MTMR7: variants seen among roughly 807,000 people sequenced by gnomAD.
The protein encoded by MTMR7 is phosphatidylinositol-3-phosphate phosphatase MTMR7.
MTMR7 carries 76 observed loss-of-function variants against 81.2 expected under a neutral mutation model. The ratio of observed to expected loss-of-function variants is 0.94; its 90% CI spans 0.78 to 1.13. The LOEUF (loss-of-function observed/expected upper bound fraction) is 1.13, where lower values mean the gene tolerates loss of function less well. Among genes scored for constraint, MTMR7 ranks in the 50% most tolerant of loss-of-function variants. The pLI is 0.00. For missense variants in MTMR7, 1,044 were observed against 820.0 expected (o/e 1.27, Z -3.34); for synonymous variants, 372 against 289.8 (o/e 1.28, Z -2.88).
intron 7 of MTMR7, among the ~76,000 whole-genome samples, chr8:17,319,530 C>T (rs191770037): frequency 6.4e-4 from 98 of 152,336 alleles, no homozygotes; most frequent in African/African-American, 1.9e-3. Flanking sequence ...GCCACCACAT[C>T]ATGGCTACCT....
Position 17,305,767 on chromosome 8 carries a change from G to A in MTMR7, c.1342C>T (p.Arg448Ter), listed in dbSNP as rs371072993. 23 of 1,610,010 alleles carry A rather than the reference G, an allele frequency of 1.4e-5. No homozygotes were observed. The highest frequency in any genetic ancestry group is 2.0e-5 in the Non-Finnish European group (23 of 1,176,672). ...CACCAAAACACTTACTTGAGTTCTC[G>A]TCTCTCCTTTTGGCTGTTACATAGG... The part of the protein sequence containing the change: ...NFLCNSQKER[R>*]ELKIQERTYS... The change falls in exon 11 of 14, where the codon CGA becomes TGA. Residue 448 changes from arginine to a stop codon, truncating the protein, a stop_gained. Transcript: ENST00000180173. LOFTEE classifies it high-confidence loss of function.
intron 1 of MTMR7, among the ~76,000 whole-genome samples, chr8:17,374,566 C>T (rs982450262): frequency 5.3e-5 from 8 of 151,640 alleles, no homozygotes; most frequent in Non-Finnish European, 1.0e-4. Context: ...GGTTGCAGTG[C>T]GCTGAGATTG....
chr8:17,347,878 A>G (rs1819606970), intron 5 of MTMR7, among the ~76,000 whole-genome samples: 1 of 152,200 alleles, frequency 6.6e-6, no homozygotes, highest in Non-Finnish European at 1.5e-5. Context: ...AAAGCTGGGC[A>G]CACAACATTA....
intron 9 of MTMR7, among the ~76,000 whole-genome samples, chr8:17,309,703 T>C (rs1212070846): frequency 1.3e-5 from 2 of 152,148 alleles, no homozygotes; most frequent in Non-Finnish European, 1.5e-5. Flanking sequence ...ATCATGCTAC[T>C]AGGAAGGAGA....
At chr8:17,380,819 T>C (rs1245752864) in intron 1 of MTMR7, among the ~76,000 whole-genome samples, 1 of 152,338 alleles carries the variant, frequency 6.6e-6, no homozygotes, top group Non-Finnish European at 1.5e-5. Context: ...AGAAATCTTA[T>C]ACATGAAATT....
chr8:17,297,436 G>A lies in MTMR7; in HGVS notation c.*2426C>T, dbSNP rs955879648. The A allele has an allele frequency of 1.3e-5, 2 of 151,622 alleles. No individual in the cohort carries two copies. The highest frequency in any genetic ancestry group is 1.5e-5 in the Non-Finnish European group (1 of 67,720). 9.4% of individuals were successfully genotyped at this position (151,622 alleles called of 1,614,324 possible). A position where few individuals can be genotyped will look rare whatever the true frequency, so the allele number is the denominator to read the frequency against. On this transcript the variant is annotated 3_prime_UTR_variant, in exon 14 of 14. Coordinates refer to ENST00000180173, the MANE Select transcript of MTMR7 (RefSeq NM_004686.5). ...TCAGATTCATTTTTAGGAGAAGAAA[G>A]TAAACTAATGTGCTCTTAAAGAATA...
chr8:17,398,239 T>C (rs1236994015), intron 1 of MTMR7, among the ~76,000 whole-genome samples: 1 of 152,162 alleles, frequency 6.6e-6, no homozygotes, highest in Non-Finnish European at 1.5e-5. Flanking sequence ...CAGAGGTATG[T>C]GACCCTTCAG....
rs1817589159 is a variant in MTMR7, at chr8:17,308,206, T to A, written c.1151+1071A>T. On this transcript the variant is annotated intron_variant, in intron 10 of 13. Coordinates refer to ENST00000180173, the MANE Select transcript of MTMR7 (RefSeq NM_004686.5). ...AAAAAGGTTGCCTAATATTAACGTA[T>A]TTTTTCCTTATCAAACAATTATCTA... is the stretch of plus-strand genomic sequence containing the variant. Among the ~76,000 whole-genome samples the A allele has an allele frequency of 2.0e-5, 3 of 152,132 alleles. No homozygotes were observed. In the South Asian group the frequency reaches 6.2e-4, roughly 32 times the overall value.
intron 1 of MTMR7, among the ~76,000 whole-genome samples, chr8:17,375,063 T>C (rs1392114258): frequency 6.6e-6 from 1 of 152,120 alleles, no homozygotes; most frequent in African/African-American, 2.4e-5. Context: ...CACCCCAGTC[T>C]GGGCAACAAG....
intron 7 of MTMR7, among the ~76,000 whole-genome samples, chr8:17,323,305 A>G (rs1383458636): frequency 6.6e-6 from 1 of 152,154 alleles, no homozygotes; most frequent in East Asian, 1.9e-4. Context: ...AACACAGCAA[A>G]TACACTGGGG....
At chr8:17,385,258 G>A (rs931883965) in intron 1 of MTMR7, among the ~76,000 whole-genome samples, 1 of 152,026 alleles carries the variant, frequency 6.6e-6, no homozygotes, top group African/African-American at 2.4e-5. Flanking sequence ...AGTTTCTCCT[G>A]AATGGCTCGG....
intron 1 of MTMR7, among the ~76,000 whole-genome samples, chr8:17,410,549 C>G (rs1557589): frequency 0.21 from 31,624 of 152,078 alleles, 4,245 homozygotes; most frequent in Non-Finnish European, 0.29. Context: ...TGGTGTCCCC[C>G]CTTTAACCCA....
At chr8:17,407,362 G>C (rs1344940379) in intron 1 of MTMR7, among the ~76,000 whole-genome samples, 1 of 152,092 alleles carries the variant, frequency 6.6e-6, no homozygotes, top group Admixed American at 6.5e-5. Context: ...GGTATAGTAA[G>C]AAACATAGTC....
intron 4 of MTMR7, among the ~76,000 whole-genome samples, chr8:17,359,164 T>C (rs111480569): frequency 4.9e-4 from 75 of 152,218 alleles, no homozygotes; most frequent in African/African-American, 7.2e-4. Flanking sequence ...TCACGAACTG[T>C]TGGGATTACA....
chr8:17,358,366 C>T (rs1819958803), intron 4 of MTMR7, among the ~76,000 whole-genome samples: 1 of 152,126 alleles, frequency 6.6e-6, no homozygotes, highest in African/African-American at 2.4e-5. Flanking sequence ...TGTCCTTAAT[C>T]ATTACGTGCT....
chr8:17,364,459 C>T (rs901003894), intron 3 of MTMR7, among the ~76,000 whole-genome samples: 1 of 152,196 alleles, frequency 6.6e-6, no homozygotes, highest in African/African-American at 2.4e-5. Flanking sequence ...CTTAGCGTTT[C>T]GAAATGTACA....
intron 7 of MTMR7, chr8:17,326,293 A>C (rs1228699229): frequency 2.0e-5 from 3 of 152,214 alleles, no homozygotes; most frequent in African/African-American, 7.2e-5. Flanking sequence ...CCTCATCCGT[A>C]AAATGAAGAT....
intron 4 of MTMR7, among the ~76,000 whole-genome samples, chr8:17,354,680 AT>A (rs1176501994): frequency 3.3e-5 from 5 of 152,162 alleles, no homozygotes; most frequent in African/African-American, 7.2e-5. Flanking sequence ...ACCTCAAAGG[AT>A]TTGTGAGAAG....
intron 1 of MTMR7, among the ~76,000 whole-genome samples, chr8:17,407,907 T>A (rs1246394992): frequency 6.6e-6 from 1 of 152,172 alleles, no homozygotes; most frequent in Non-Finnish European, 1.5e-5. Context: ...AAGGCAAACC[T>A]CATGGATCTG....
Sources: allele counts gnomAD v4.1 joint callset (sites outside exome capture counted in the v4.1 genomes callset), GRCh38; gene constraint gnomAD v4.1.1; transcripts MANE v1.5; gene names NCBI Gene and HGNC (gene_info 2026-07-23, HGNC 2026-07-21).